The following CAMKMT variants were observed in gnomAD, a reference collection of about 807,000 sequenced individuals.
CAMKMT encodes the protein calmodulin-lysine N-methyltransferase, also known as CaM KMT.
CAMKMT carries 53 observed loss-of-function variants against 48.0 expected under a neutral mutation model. The ratio of observed to expected loss-of-function variants is 1.10; its 90% CI spans 0.89 to 1.39. CAMKMT has a LOEUF of 1.39. Ranked by LOEUF, CAMKMT falls within the 40% of genes most tolerant of loss-of-function variation. The pLI, the probability that CAMKMT is intolerant of heterozygous loss-of-function variation, is 0.00. For synonymous variants in CAMKMT, 165 were observed against 152.3 expected, an observed-to-expected ratio of 1.08 and a Z score of -0.61; for missense variants, 428 against 402.7, an observed-to-expected ratio of 1.06 and a Z score of -0.54.
chr2:44,614,500 C>G (rs1671765462), intron 3 of CAMKMT, among the ~76,000 whole-genome samples: 1 of 152,068 alleles, frequency 6.6e-6, no homozygotes, highest in Admixed American at 6.6e-5. Context: ...CAAAACGGAC[C>G]AAAATCTCTG....
chr2:44,741,559 AT>A (rs964824603), intron 7 of CAMKMT, among the ~76,000 whole-genome samples: 1 of 152,174 alleles, frequency 6.6e-6, no homozygotes, highest in African/African-American at 2.4e-5. Flanking sequence ...AGGAGCCAAG[AT>A]TTGAACCTAG....
At chr2:44,364,354 C>G (rs942665353) in intron 1 of CAMKMT, among the ~76,000 whole-genome samples, 4 of 152,122 alleles carry the variant, frequency 2.6e-5, no homozygotes, top group Admixed American at 2.6e-4. Flanking sequence ...TTCACACTTC[C>G]ATTTCAAACT....
intron 3 of CAMKMT, among the ~76,000 whole-genome samples, chr2:44,692,198 T>C (rs72870522): frequency 6.6e-6 from 1 of 152,202 alleles, no homozygotes; most frequent in African/African-American, 2.4e-5. Context: ...TTGATAAAAT[T>C]CCCTGAATAG....
chr2:44,568,703 G>T (rs1315215071), intron 3 of CAMKMT, among the ~76,000 whole-genome samples: 1 of 152,124 alleles, frequency 6.6e-6, no homozygotes. Flanking sequence ...CATGGCAGGG[G>T]TTTTTGCCTT....
At chr2:44,594,828 A>G (rs1425874916) in intron 3 of CAMKMT, among the ~76,000 whole-genome samples, 3 of 152,132 alleles carry the variant, frequency 2.0e-5, no homozygotes, top group Non-Finnish European at 4.4e-5. Context: ...TAATTAAATG[A>G]AAGAGCTTCT....
chr2:44,613,604 C>G (rs1283191192), intron 3 of CAMKMT, among the ~76,000 whole-genome samples: 1 of 152,224 alleles, frequency 6.6e-6, no homozygotes, highest in Admixed American at 6.5e-5. Context: ...AAGGAGCTCA[C>G]AGATGAATCA....
chr2:44,492,068 GTTCAC>G (rs971989944), intron 3 of CAMKMT, among the ~76,000 whole-genome samples: 2 of 152,060 alleles, frequency 1.3e-5, no homozygotes, highest in Non-Finnish European at 2.9e-5. Flanking sequence ...TGATTTTATT[GTTCAC>G]TTCATTTGAA....
chr2:44,747,017 T>G lies in CAMKMT; in HGVS notation c.698+3321T>G, dbSNP rs559179847. 1.2e-4 allele frequency among the ~76,000 whole-genome samples: 18 copies of G among 152,342 alleles called. 1 individual carries two copies. Among genetic ancestry groups the G allele is most frequent in the African/African-American group, 4.3e-4 (18 of 41,586 alleles). On this transcript the variant is annotated intron_variant, in intron 8 of 10. Transcript: ENST00000378494. ...GAAATGACTCTGTGCATTTGAATTC[T>G]CAAAAGGCTTAGAAAGCATATCTGA... is the stretch of plus-strand genomic sequence containing the variant.
intron 3 of CAMKMT, among the ~76,000 whole-genome samples, chr2:44,567,111 A>G (rs1369665913): frequency 6.6e-6 from 1 of 152,146 alleles, no homozygotes; most frequent in African/African-American, 2.4e-5. Flanking sequence ...GTAGGTTTGT[A>G]AAGAGTGTCA....
intron 9 of CAMKMT, among the ~76,000 whole-genome samples, chr2:44,757,405 A>T (rs113774733): frequency 1.3e-5 from 2 of 152,190 alleles, no homozygotes; most frequent in Admixed American, 6.5e-5. Flanking sequence ...CTTAGGCCCA[A>T]ATCTGGTCTC....
intron 3 of CAMKMT, among the ~76,000 whole-genome samples, chr2:44,652,407 C>G (rs1453923946): frequency 6.6e-6 from 1 of 152,214 alleles, no homozygotes; most frequent in Non-Finnish European, 1.5e-5. Flanking sequence ...GCTTGCTGAA[C>G]TGCTCAGCGT....
At chr2:44,368,793 T>A (rs528780234) in intron 1 of CAMKMT, among the ~76,000 whole-genome samples, 1 of 152,336 alleles carries the variant, frequency 6.6e-6, no homozygotes, top group African/African-American at 2.4e-5. Context: ...ACTTTGTTTT[T>A]TCCTAAGAGT....
intron 3 of CAMKMT, among the ~76,000 whole-genome samples, chr2:44,597,701 A>G (rs967543656): frequency 1.1e-4 from 16 of 152,180 alleles, no homozygotes; most frequent in Non-Finnish European, 1.0e-4. Context: ...ATTGTGGTAT[A>G]GTAACATATA....
chr2:44,413,972 G>T (rs757604437), intron 3 of CAMKMT, among the ~76,000 whole-genome samples: 2 of 152,098 alleles, frequency 1.3e-5, no homozygotes, highest in Non-Finnish European at 2.9e-5. Context: ...TAATATTTTA[G>T]CTTTCTAGAC....
intron 9 of CAMKMT, among the ~76,000 whole-genome samples, chr2:44,760,090 T>A (rs1382508943): frequency 6.6e-6 from 1 of 152,024 alleles, no homozygotes; most frequent in Non-Finnish European, 1.5e-5. Flanking sequence ...ACTGTGGGAA[T>A]CTCATAGTTT....
chr2:44,373,219 A>C (rs1679353791), intron 2 of CAMKMT, among the ~76,000 whole-genome samples: 1 of 152,240 alleles, frequency 6.6e-6, no homozygotes, highest in African/African-American at 2.4e-5. Flanking sequence ...TGAAAGTGAA[A>C]ACAGAATTTT....
chr2:44,514,345 C>A (rs1011243540), intron 3 of CAMKMT, among the ~76,000 whole-genome samples: 8 of 151,952 alleles, frequency 5.3e-5, no homozygotes, highest in Non-Finnish European at 1.5e-5. Context: ...GATAGAGAGG[C>A]TGATAAAGAG....
At position 44,378,686 on chromosome 2, in the gene CAMKMT, G is replaced by A. The variant is rs572236258; in HGVS notation, c.311+5798G>A. ...TTTTTGTATTTTTAGTAGAGACGGG[G>A]TTTCACCATGTTGGCCAGGATGGTC... On this transcript the variant is annotated intron_variant, in intron 2 of 10. Transcript: ENST00000378494. Among the ~76,000 whole-genome samples, 14 of 152,260 alleles carry A rather than the reference G, an allele frequency of 9.2e-5. No homozygotes were observed. The East Asian group carries it at 1.5e-3, about 17-fold the overall frequency.
At chr2:44,679,253 A>G in intron 3 of CAMKMT, among the ~76,000 whole-genome samples, 1 of 152,186 alleles carries the variant, frequency 6.6e-6, no homozygotes, top group East Asian at 1.9e-4. Flanking sequence ...CAAAACCTCA[A>G]TATAGTGATA....
Sources: allele counts gnomAD v4.1 joint callset (sites outside exome capture counted in the v4.1 genomes callset), GRCh38; gene constraint gnomAD v4.1.1; transcripts MANE v1.5; gene names NCBI Gene and HGNC (gene_info 2026-07-23, HGNC 2026-07-21).